PTPRN2: variants seen among roughly 807,000 people sequenced by gnomAD.
PTPRN2 encodes the protein receptor-type tyrosine-protein phosphatase N2.
PTPRN2 carries 74 observed loss-of-function variants against 118.8 expected under a neutral mutation model. The observed-to-expected ratio is 0.62, with a 90% CI of 0.52 to 0.76. The LOEUF (loss-of-function observed/expected upper bound fraction) is 0.76, where lower values mean the gene tolerates loss of function less well. Ranked by LOEUF, PTPRN2 falls within the 30% of genes least tolerant of loss-of-function variation. The pLI, the probability that PTPRN2 is intolerant of heterozygous loss-of-function variation, is 0.00. For synonymous variants in PTPRN2, 641 were observed against 608.0 expected (o/e 1.05, Z -0.80); for missense variants, 1,481 against 1,394.4 (o/e 1.06, Z -0.99).
At chr7:158,145,610 G>C (rs889402392) in intron 6 of PTPRN2, among the ~76,000 whole-genome samples, 1 of 152,222 alleles carries the variant, frequency 6.6e-6, no homozygotes, top group Admixed American at 6.5e-5. Flanking sequence ...ACCCTGGCCA[G>C]ACGCGGCCAG....
chr7:158,200,625 G>A (rs941127637), intron 4 of PTPRN2, among the ~76,000 whole-genome samples: 13 of 152,052 alleles, frequency 8.5e-5, no homozygotes, highest in Admixed American at 5.9e-4. Flanking sequence ...TTTTTGAAGC[G>A]CCAATTGAAG....
At chr7:157,844,701 C>T (rs1242006908) in intron 12 of PTPRN2, among the ~76,000 whole-genome samples, 2 of 152,200 alleles carry the variant, frequency 1.3e-5, no homozygotes, top group African/African-American at 4.8e-5. Flanking sequence ...GGCTTGTTCA[C>T]GTCCTAAGTT....
At chr7:158,198,279 GTGT>G (rs1238910060) in intron 4 of PTPRN2, among the ~76,000 whole-genome samples, 1 of 152,200 alleles carries the variant, frequency 6.6e-6, no homozygotes. Flanking sequence ...ATGCCGCGTG[GTGT>G]TGTAGCAATT....
At chr7:157,954,592 T>C (rs935698423) in intron 11 of PTPRN2, among the ~76,000 whole-genome samples, 5 of 148,104 alleles carry the variant, frequency 3.4e-5, no homozygotes, top group Non-Finnish European at 7.4e-5. Flanking sequence ...GTACTGTGTG[T>C]GGTGTGTGTG....
At chr7:157,669,423 G>A (rs1234614137) in intron 13 of PTPRN2, 12 of 408,638 alleles carry the variant, frequency 2.9e-5, no homozygotes, top group South Asian at 9.8e-5. Context: ...GTGTTTGCAC[G>A]CGCACACACA....
intron 12 of PTPRN2, among the ~76,000 whole-genome samples, chr7:157,843,781 C>T (rs1238640859): frequency 6.6e-6 from 1 of 152,242 alleles, no homozygotes; most frequent in Non-Finnish European, 1.5e-5. Flanking sequence ...GAAACCTCTG[C>T]TCTGTGCTGA....
chr7:158,062,345 CAT>C (rs1406382892), intron 11 of PTPRN2, among the ~76,000 whole-genome samples: 3 of 152,256 alleles, frequency 2.0e-5, no homozygotes, highest in African/African-American at 7.2e-5. Context: ...AGTCAGTGCA[CAT>C]GTGTGTGGGG....
At chr7:158,211,345 C>G (rs1827586627) in intron 3 of PTPRN2, among the ~76,000 whole-genome samples, 1 of 152,080 alleles carries the variant, frequency 6.6e-6, no homozygotes, top group East Asian at 1.9e-4. Context: ...GCAACCAAAG[C>G]AAAACTGGAC....
At chr7:158,388,267 T>C (rs1811658711) in intron 2 of PTPRN2, among the ~76,000 whole-genome samples, 1 of 151,988 alleles carries the variant, frequency 6.6e-6, no homozygotes, top group African/African-American at 2.4e-5. Flanking sequence ...TTCACGTCAA[T>C]CCCGGCACCA....
intron 22 of PTPRN2, among the ~76,000 whole-genome samples, chr7:157,546,860 T>C (rs1786144813): frequency 6.6e-6 from 1 of 152,260 alleles, no homozygotes; most frequent in African/African-American, 2.4e-5. Flanking sequence ...GCCATCTGTG[T>C]GCCAGGAAGG....
In PTPRN2 at chr7:158,287,315, G is replaced by A. The variant is rs140231258; in HGVS notation, c.277+29504C>T. On this transcript the variant is annotated intron_variant, in intron 3 of 22. Coordinates refer to ENST00000389418, the MANE Select transcript of PTPRN2 (RefSeq NM_002847.5). ...TCTTTTCTATTGTTTTTCTAGTTTC[G>A]ATGTAATCTCTTTCTGTTCTGATCT... Among the ~76,000 whole-genome samples, 243 of 151,666 alleles carry A rather than the reference G, an allele frequency of 1.6e-3. 1 individual carries two copies. Among genetic ancestry groups the A allele is most frequent in the African/African-American group, 5.5e-3 (229 of 41,348 alleles).
intron 11 of PTPRN2, among the ~76,000 whole-genome samples, chr7:157,906,083 C>G (rs1050926546): frequency 5.9e-5 from 9 of 152,234 alleles, no homozygotes; most frequent in Non-Finnish European, 8.8e-5. Flanking sequence ...CTGAGGTCAG[C>G]CTTCCTGAAA....
chr7:158,353,904 T>C (rs1181963283), intron 2 of PTPRN2, among the ~76,000 whole-genome samples: 1 of 152,028 alleles, frequency 6.6e-6, no homozygotes, highest in Non-Finnish European at 1.5e-5. Flanking sequence ...GAAACAGCCC[T>C]GAGGATGGCC....
chr7:158,244,697 G>A (rs546779700), intron 3 of PTPRN2, among the ~76,000 whole-genome samples: 4 of 126,316 alleles, frequency 3.2e-5, no homozygotes, highest in Admixed American at 9.3e-5. Context: ...AGTTGTGAGT[G>A]TGTGTGGTTG....
At chr7:158,002,608 C>T (rs921790447) in intron 11 of PTPRN2, among the ~76,000 whole-genome samples, 3 of 152,118 alleles carry the variant, frequency 2.0e-5, no homozygotes, top group Non-Finnish European at 4.4e-5. Context: ...GCTTAGGGTT[C>T]ATCTGAGGGG....
At chr7:158,322,458 C>T (rs979074980) in intron 2 of PTPRN2, among the ~76,000 whole-genome samples, 2 of 152,228 alleles carry the variant, frequency 1.3e-5, no homozygotes, top group Admixed American at 6.5e-5. Context: ...GGAGCAGCTC[C>T]GTGCATGGCA....
chr7:158,080,664 G>A (rs1361191827), intron 11 of PTPRN2, among the ~76,000 whole-genome samples: 2 of 151,066 alleles, frequency 1.3e-5, no homozygotes, highest in Non-Finnish European at 2.9e-5. Flanking sequence ...GGAGAGTAAA[G>A]CTTTGTGTTT....
intron 2 of PTPRN2, among the ~76,000 whole-genome samples, chr7:158,487,650 A>G (rs930003595): frequency 6.6e-6 from 1 of 152,198 alleles, no homozygotes. Context: ...GGCTGGTGAC[A>G]GAATGTTCTA....
At position 157,744,205 on chromosome 7, in the gene PTPRN2, G is replaced by A. The variant is rs1368036190; in HGVS notation, c.1789-61268C>T. On this transcript the variant is annotated intron_variant, in intron 12 of 22. Transcript: ENST00000389418. ...AGCGTAAACAAGCGGGCGCGAGGTG[G>A]TCCAGGCATGGAGGGCACAGAAGCC... Among the ~76,000 whole-genome samples, 7 of 152,228 alleles carry A rather than the reference G, an allele frequency of 4.6e-5. No homozygotes were observed. In the East Asian group the frequency reaches 7.7e-4, roughly 17 times the overall value.
Sources: allele counts gnomAD v4.1 joint callset (sites outside exome capture counted in the v4.1 genomes callset), GRCh38; gene constraint gnomAD v4.1.1; transcripts MANE v1.5; gene names NCBI Gene and HGNC (gene_info 2026-07-23, HGNC 2026-07-21).